The following CHRNA7 variants were observed in gnomAD, a reference collection of about 807,000 sequenced individuals.
The protein encoded by CHRNA7 is neuronal acetylcholine receptor subunit alpha-7.
A neutral mutation model predicts 48.0 loss-of-function variants in CHRNA7; 17 were observed. That is an observed-to-expected ratio of 0.35 (90% confidence interval 0.24 to 0.53). The LOEUF (loss-of-function observed/expected upper bound fraction) is 0.53. Among genes scored for constraint, CHRNA7 ranks in the 20% least tolerant of loss-of-function variants. CHRNA7 has a pLI of 0.92. For synonymous variants in CHRNA7, 75 were observed against 242.3 expected (o/e 0.31, Z 6.41); for missense variants, 155 against 577.7 (o/e 0.27, Z 7.50).
intron 3 of CHRNA7, 127 bp downstream of exon 3, chr15:32,101,474 G>T (rs1388611249): frequency 2.0e-6 from 2 of 987,900 alleles, no homozygotes; most frequent in Non-Finnish European, 3.0e-6. Context: ...AAAAACAAAA[G>T]GCCATGGCTG....
intron 2 of CHRNA7, among the ~76,000 whole-genome samples, chr15:32,048,771 A>G (rs1003870839): frequency 2.0e-5 from 3 of 151,544 alleles, no homozygotes; most frequent in African/African-American, 7.3e-5. Flanking sequence ...TAGGGTGTCA[A>G]TTTTGGAGCT....
intron 2 of CHRNA7, among the ~76,000 whole-genome samples, chr15:32,093,680 C>T (rs192602415): frequency 2.8e-4 from 42 of 152,274 alleles, no homozygotes; most frequent in Non-Finnish European, 2.4e-4. Context: ...TTTATTCTCC[C>T]TAAAGGAGCC....
chr15:32,152,744 A>G (rs961315447), intron 4 of CHRNA7, among the ~76,000 whole-genome samples: 12 of 152,156 alleles, frequency 7.9e-5, no homozygotes, highest in Non-Finnish European at 1.0e-4. Flanking sequence ...GGGTGGGGGT[A>G]TGGGTTCTGG....
chr15:32,145,668 C>A (rs1595499373), intron 4 of CHRNA7, among the ~76,000 whole-genome samples: 1 of 152,160 alleles, frequency 6.6e-6, no homozygotes, highest in Non-Finnish European at 1.5e-5. Context: ...CCTCACAGAT[C>A]GATCACAGAC....
chr15:32,063,137 TG>T, intron 2 of CHRNA7, among the ~76,000 whole-genome samples: 1 of 152,124 alleles, frequency 6.6e-6, no homozygotes, highest in East Asian at 1.9e-4. Context: ...GTTGCTCTGG[TG>T]AGTCAGTGAG....
intron 2 of CHRNA7, chr15:32,099,238 G>A (rs1356337549): frequency 1.3e-5 from 2 of 152,472 alleles, no homozygotes; most frequent in African/African-American, 2.4e-5. Context: ...GGAGGTGAGG[G>A]ACCTTGTCAC....
chr15:32,146,125 C>G (rs1177944008), intron 4 of CHRNA7, among the ~76,000 whole-genome samples: 1 of 152,202 alleles, frequency 6.6e-6, no homozygotes, highest in Non-Finnish European at 1.5e-5. Flanking sequence ...TAAATCCTAA[C>G]AAGTTTAGGC....
intron 4 of CHRNA7, among the ~76,000 whole-genome samples, chr15:32,143,020 A>T (rs2051413729): frequency 6.6e-6 from 1 of 152,020 alleles, no homozygotes; most frequent in Non-Finnish European, 1.5e-5. Context: ...TAGGATGTCA[A>T]TTTTAGATCT....
At chr15:32,077,460 G>C (rs2050152574) in intron 2 of CHRNA7, among the ~76,000 whole-genome samples, 1 of 152,156 alleles carries the variant, frequency 6.6e-6, no homozygotes, top group Non-Finnish European at 1.5e-5. Context: ...CCAGCATTTG[G>C]TGTTGCCAGT....
intron 2 of CHRNA7, among the ~76,000 whole-genome samples, chr15:32,070,156 A>C (rs538481128): frequency 6.6e-6 from 1 of 152,224 alleles, no homozygotes; most frequent in East Asian, 1.9e-4. Context: ...TTGTACACTC[A>C]TGAAACCATT....
At chr15:32,108,503 T>G (rs577699388) in intron 3 of CHRNA7, among the ~76,000 whole-genome samples, 1 of 152,312 alleles carries the variant, frequency 6.6e-6, no homozygotes, top group African/African-American at 2.4e-5. Flanking sequence ...GAGAACAACC[T>G]TTTTTCTAGA....
intron 4 of CHRNA7, chr15:32,112,311 C>T (rs1470351137): frequency 1.5e-5 from 7 of 459,130 alleles, no homozygotes; most frequent in East Asian, 1.4e-4. Flanking sequence ...CCCACATCCT[C>T]GTCTATGTTC....
intron 1 of CHRNA7, 57 bp from the exon 2 acceptor site, chr15:32,030,841 C>A: frequency 1.3e-6 from 2 of 1,580,512 alleles, no homozygotes; most frequent in Admixed American, 1.7e-5. Flanking sequence ...AGGAGGGAGT[C>A]GGGGGTACCC....
At chr15:32,088,705 A>G (rs1426168337) in intron 2 of CHRNA7, among the ~76,000 whole-genome samples, 1 of 152,070 alleles carries the variant, frequency 6.6e-6, no homozygotes, top group Non-Finnish European at 1.5e-5. Context: ...TAATATGTTT[A>G]TTTGTTATCT....
intron 2 of CHRNA7, among the ~76,000 whole-genome samples, chr15:32,081,351 A>G (rs1459087995): frequency 6.6e-6 from 1 of 152,178 alleles, no homozygotes; most frequent in Non-Finnish European, 1.5e-5. Context: ...TTTACATTTA[A>G]TGTAATTATT....
chr15:32,078,629 CT>C (rs1394605732), intron 2 of CHRNA7, among the ~76,000 whole-genome samples: 3 of 136,384 alleles, frequency 2.2e-5, no homozygotes, highest in Non-Finnish European at 4.6e-5. Flanking sequence ...ATGACAAGTT[CT>C]GAAATTGAGG....
chr15:32,084,209 ATCAGAT>A (rs1323710500), intron 2 of CHRNA7, among the ~76,000 whole-genome samples: 1 of 152,260 alleles, frequency 6.6e-6, no homozygotes, highest in Non-Finnish European at 1.5e-5. Flanking sequence ...TGCAAGTTTA[ATCAGAT>A]TCTACAGGAC....
intron 2 of CHRNA7, among the ~76,000 whole-genome samples, chr15:32,031,721 A>G (rs1430717671): frequency 6.6e-6 from 1 of 152,256 alleles, no homozygotes; most frequent in Non-Finnish European, 1.5e-5. Context: ...TGCCCACTTC[A>G]GTTAGCCAAT....
At chr15:32,052,269 A>G (rs1170374632) in intron 2 of CHRNA7, among the ~76,000 whole-genome samples, 1 of 150,988 alleles carries the variant, frequency 6.6e-6, no homozygotes, top group Non-Finnish European at 1.5e-5. Context: ...CACCTAGTTG[A>G]TCATCACTGA....
Sources: allele counts gnomAD v4.1 joint callset (sites outside exome capture counted in the v4.1 genomes callset), GRCh38; gene constraint gnomAD v4.1.1; transcripts MANE v1.5; gene names NCBI Gene and HGNC (gene_info 2026-07-23, HGNC 2026-07-21).